NEURL1: variants seen among roughly 807,000 people sequenced by gnomAD.
NEURL1 encodes the protein neuralized E3 ubiquitin protein ligase 1.
Under a neutral mutation model 41.2 loss-of-function variants are expected in NEURL1, and 26 were observed. That is an observed-to-expected ratio of 0.63 (90% CI 0.46 to 0.87). NEURL1 has a LOEUF of 0.87. Among genes scored for constraint, NEURL1 ranks in the 40% least tolerant of loss-of-function variants. The probability of loss-of-function intolerance (pLI) is 0.00; values close to 1 mark genes in which losing one functional copy is unlikely to be tolerated. For synonymous variants in NEURL1, 400 were observed against 402.3 expected (o/e 0.99, Z 0.07); for missense variants, 761 against 871.1 (o/e 0.87, Z 1.59).
At chr10:103,585,426 G>T (rs1176979357) in intron 4 of NEURL1, among the ~76,000 whole-genome samples, 1 of 152,186 alleles carries the variant, frequency 6.6e-6, no homozygotes, top group Non-Finnish European at 1.5e-5. Context: ...CTCACCTGGG[G>T]GGTGAGGCGA....
At chr10:103,588,294 A>G (rs900152347) in intron 4 of NEURL1, among the ~76,000 whole-genome samples, 18 of 144,990 alleles carry the variant, frequency 1.2e-4, no homozygotes, top group African/African-American at 4.4e-4. Flanking sequence ...CGACAGAGCA[A>G]GACTCCGTCT....
At chr10:103,531,784 T>C (rs1033368353) in intron 1 of NEURL1, among the ~76,000 whole-genome samples, 7 of 152,260 alleles carry the variant, frequency 4.6e-5, no homozygotes, top group Admixed American at 2.0e-4. Flanking sequence ...TCTCCCAAAG[T>C]GCTGGGATTA....
chr10:103,496,479 G>A (rs1486050800), intron 1 of NEURL1, among the ~76,000 whole-genome samples: 2 of 152,098 alleles, frequency 1.3e-5, no homozygotes, highest in Non-Finnish European at 2.9e-5. Flanking sequence ...AGTTTCCAAA[G>A]GGTTAACAAT....
chr10:103,540,976 C>T (rs1168372725), intron 1 of NEURL1, among the ~76,000 whole-genome samples: 1 of 152,204 alleles, frequency 6.6e-6, no homozygotes, highest in Non-Finnish European at 1.5e-5. Context: ...AGTGAAACAA[C>T]AGGGATGGAT....
At position 103,589,514 on chromosome 10, in the gene NEURL1, G is replaced by C. The variant is rs1359218434; in HGVS notation, c.1340G>C (p.Gly447Ala). The C allele has an allele frequency of 2.5e-6, 4 of 1,598,130 alleles. No individual in the cohort carries two copies. The highest frequency in any genetic ancestry group is 3.4e-6 in the Non-Finnish European group (4 of 1,171,396). Residue 447 changes from glycine to alanine, a missense_variant and splice_region_variant, in exon 5 of 6, where the codon GGC (glycine) becomes GCC (alanine). By Grantham distance (60) the Gly-to-Ala change is moderately conservative. Around this residue, in one of 5 missense-constraint regions of NEURL1, gnomAD observed 443 missense variants for 408.1 expected, o/e 1.09. Transcript: ENST00000369780. ...TCCTTCCCTCCCTCCCCTTTCACAG[G>C]CTCCACTATCCTGGCCGAGCGGGGT... ...HGTITQIRIL[G>A]STILAERGIP...
intron 2 of NEURL1, 122 bp downstream of exon 2, chr10:103,571,235 C>T (rs1488882939): frequency 1.9e-6 from 2 of 1,032,034 alleles, no homozygotes; most frequent in Non-Finnish European, 2.9e-6. Flanking sequence ...CCACACCCTG[C>T]CCCTGCCTTT....
At chr10:103,511,620 G>A (rs1043430819) in intron 1 of NEURL1, among the ~76,000 whole-genome samples, 1 of 152,188 alleles carries the variant, frequency 6.6e-6, no homozygotes, top group African/African-American at 2.4e-5. Context: ...ATTAGCTATG[G>A]TTGCCATCGT....
At chr10:103,503,676 A>T (rs923308576) in intron 1 of NEURL1, among the ~76,000 whole-genome samples, 13 of 151,980 alleles carry the variant, frequency 8.6e-5, no homozygotes, top group Non-Finnish European at 1.8e-4. Flanking sequence ...CTTCCAGCTT[A>T]CCCTTTAGTG....
intron 4 of NEURL1, among the ~76,000 whole-genome samples, chr10:103,588,287 C>T (rs1466820883): frequency 2.2e-5 from 3 of 134,844 alleles, no homozygotes; most frequent in East Asian, 2.2e-4. Context: ...GCCTGGGCGA[C>T]AGAGCAAGAC....
intron 1 of NEURL1, among the ~76,000 whole-genome samples, chr10:103,555,684 A>G (rs2035137791): frequency 6.6e-6 from 1 of 150,866 alleles, no homozygotes; most frequent in South Asian, 2.1e-4. Context: ...GCTCCCCACA[A>G]AGTCTCCTTG....
intron 1 of NEURL1, among the ~76,000 whole-genome samples, chr10:103,520,300 A>G (rs1294357359): frequency 6.6e-6 from 1 of 152,176 alleles, no homozygotes; most frequent in Non-Finnish European, 1.5e-5. Context: ...GCTGAGTCTG[A>G]AAAGAGAGTC....
At chr10:103,511,706 G>C (rs1395072023) in intron 1 of NEURL1, 1 of 152,300 alleles carries the variant, frequency 6.6e-6, no homozygotes, top group African/African-American at 2.4e-5. Context: ...TGGGTTAGAT[G>C]GCTTCTGCTG....
Position 103,494,107 on chromosome 10 carries a change from C to T in NEURL1, c.-281C>T, listed in dbSNP as rs1273466593. 13 of 319,400 alleles carry T rather than the reference C, an allele frequency of 4.1e-5. No homozygotes were observed. The highest frequency in any genetic ancestry group is 6.8e-5 in the Non-Finnish European group (12 of 175,386). 19.8% of individuals were successfully genotyped at this position (319,400 alleles called of 1,614,324 possible). On this transcript the variant is annotated 5_prime_UTR_variant, in exon 1 of 6. Coordinates refer to ENST00000369780, the MANE Select transcript of NEURL1 (RefSeq NM_004210.5). Reference sequence around the variant, plus strand: ...GCGGGGAGCCCCGGGCGTCCCCGGCCCCGGCCCAGGGCCCTGCTTGTGGCC... The same window carrying T: ...GCGGGGAGCCCCGGGCGTCCCCGGCTCCGGCCCAGGGCCCTGCTTGTGGCC...
At chr10:103,530,571 TTC>T (rs2034549239) in intron 1 of NEURL1, among the ~76,000 whole-genome samples, 1 of 152,100 alleles carries the variant, frequency 6.6e-6, no homozygotes, top group African/African-American at 2.4e-5. Context: ...TTTTTTTTTT[TTC>T]TCTGTCACCC....
chr10:103,590,023 G>T, intron 5 of NEURL1, 111 bp from the exon 6 acceptor site: 1 of 1,114,646 alleles, frequency 9.0e-7, no homozygotes, highest in Non-Finnish European at 1.3e-6. Flanking sequence ...GGGTGAACAG[G>T]CAGATCCTGA....
intron 3 of NEURL1, among the ~76,000 whole-genome samples, chr10:103,584,278 T>A (rs2035847772): frequency 6.6e-6 from 1 of 152,242 alleles, no homozygotes; most frequent in Admixed American, 6.5e-5. Context: ...CACATATGCA[T>A]ATAGCAAGCA....
At chr10:103,527,158 T>C (rs1323305967) in intron 1 of NEURL1, among the ~76,000 whole-genome samples, 1 of 152,226 alleles carries the variant, frequency 6.6e-6, no homozygotes, top group Non-Finnish European at 1.5e-5. Flanking sequence ...AACTTAGGGA[T>C]GTTGCCATGG....
chr10:103,501,496 A>C (rs573738047), intron 1 of NEURL1, among the ~76,000 whole-genome samples: 1 of 152,136 alleles, frequency 6.6e-6, no homozygotes, highest in Non-Finnish European at 1.5e-5. Flanking sequence ...AGGAAAAAAA[A>C]ACAACAAAAA....
intron 1 of NEURL1, among the ~76,000 whole-genome samples, chr10:103,543,601 G>T (rs781680751): frequency 4.6e-5 from 7 of 152,218 alleles, no homozygotes; most frequent in Non-Finnish European, 8.8e-5. Context: ...GAGATAAAAA[G>T]ATACCTTTCT....
Sources: gnomAD v4.1 joint callset for allele counts (sites outside exome capture counted in the v4.1 genomes callset) on GRCh38, gnomAD v4.1.1 for gene constraint, gnomAD v4.1.1 regional missense constraint, MANE v1.5 for transcripts, NCBI Gene and HGNC (gene_info 2026-07-23, HGNC 2026-07-21) for gene names.